The following MRTFB variants were observed in gnomAD, a reference collection of about 807,000 sequenced individuals.
The protein encoded by MRTFB is myocardin related transcription factor B.
A neutral mutation model predicts 104.2 loss-of-function variants in MRTFB; 29 were observed. The observed-to-expected ratio is 0.28, with a 90% CI of 0.21 to 0.38. MRTFB has a LOEUF of 0.38. MRTFB is among the 10% of genes least tolerant of loss of function. MRTFB has a pLI of 1.00. For synonymous variants in MRTFB, 535 were observed against 519.5 expected, an observed-to-expected ratio of 1.03 and a Z score of -0.41; for missense variants, 1,270 against 1,341.6, an observed-to-expected ratio of 0.95 and a Z score of 0.83.
chr16:14,020,321 T>C, the MRTFB span: 3 of 152,366 alleles, frequency 2.0e-5, no homozygotes, highest in East Asian at 5.8e-4. Context: ...TTATTGCATT[T>C]GTCAAACATT....
chr16:14,230,853 A>G (rs1244226539), intron 8 of MRTFB, among the ~76,000 whole-genome samples: 7 of 151,550 alleles, frequency 4.6e-5, no homozygotes, highest in East Asian at 1.9e-4. Context: ...TTGAGGCACT[A>G]TTCACAATAG....
At position 14,161,085 on chromosome 16, in the gene MRTFB, C is replaced by CTTTTTTTTTTTTT. The variant is rs57360069; in HGVS notation, c.154+20339_154+20351dup. Among the ~76,000 whole-genome samples, 13 of 53,130 alleles carry CTTTTTTTTTTTTT rather than the reference C, an allele frequency of 2.4e-4. 5 individuals are homozygous for CTTTTTTTTTTTTT. Among genetic ancestry groups the CTTTTTTTTTTTTT allele is most frequent in the East Asian group, 1.5e-3 (2 of 1,350 alleles). The allele number at this position is 53,130 out of a possible 152,430, so 34.9% of individuals were successfully genotyped here. On this transcript the variant is annotated intron_variant, in intron 3 of 16. Coordinates refer to ENST00000571589, the MANE Select transcript of MRTFB (RefSeq NM_001308142.2). ...TCTGTTTTAGTAGGTAATGCCAGGA[C>CTTTTTTTTTTTTT]TTTTTTTTTTTTTTTTTTTTTTTTT... is the stretch of plus-strand genomic sequence containing the variant.
At chr16:14,099,370 T>G (rs1365447193) in intron 2 of MRTFB, among the ~76,000 whole-genome samples, 3 of 147,944 alleles carry the variant, frequency 2.0e-5, no homozygotes, top group African/African-American at 7.9e-5. Flanking sequence ...ATTACGTGGG[T>G]TTTTTTGGTG....
chr16:14,213,910 C>T (rs1013392242), intron 6 of MRTFB, among the ~76,000 whole-genome samples: 2 of 152,188 alleles, frequency 1.3e-5, no homozygotes, highest in Non-Finnish European at 2.9e-5. Flanking sequence ...ATTTCTTTAT[C>T]AGTGAGGGAC....
chr16:14,069,721 A>T (rs1016100590), upstream of MRTFB, among the ~76,000 whole-genome samples: 1 of 152,072 alleles, frequency 6.6e-6, no homozygotes, highest in African/African-American at 2.4e-5. Flanking sequence ...GGCTCAAGTG[A>T]TCCTCCTGAC....
chr16:14,104,723 A>G (rs1027834600), intron 2 of MRTFB, among the ~76,000 whole-genome samples: 1 of 152,178 alleles, frequency 6.6e-6, no homozygotes, highest in African/African-American at 2.4e-5. Flanking sequence ...ACCTCAGTAA[A>G]TTTTATATGA....
intron 16 of MRTFB, among the ~76,000 whole-genome samples, chr16:14,260,280 A>G (rs944415599): frequency 6.6e-6 from 1 of 152,144 alleles, no homozygotes; most frequent in East Asian, 1.9e-4. Context: ...ATGAAATCAA[A>G]TGTCATTGTA....
intron 8 of MRTFB, among the ~76,000 whole-genome samples, chr16:14,227,326 C>T (rs1346203213): frequency 6.6e-6 from 1 of 152,052 alleles, no homozygotes; most frequent in Non-Finnish European, 1.5e-5. Context: ...CCCAGCCCCT[C>T]CCCGCTCTCT....
At chr16:14,244,085 A>G (rs1184178356) in intron 10 of MRTFB, among the ~76,000 whole-genome samples, 1 of 152,016 alleles carries the variant, frequency 6.6e-6, no homozygotes, top group Admixed American at 6.5e-5. Flanking sequence ...TCACCGTGTT[A>G]GCCAGGATGG....
At chr16:14,081,482 G>A (rs2034397716) in intron 2 of MRTFB, among the ~76,000 whole-genome samples, 1 of 151,986 alleles carries the variant, frequency 6.6e-6, no homozygotes, top group Admixed American at 6.6e-5. Flanking sequence ...TAGTAGAGAC[G>A]GGGTTTCACC....
intron 3 of MRTFB, among the ~76,000 whole-genome samples, chr16:14,173,801 C>T (rs2039496301): frequency 6.6e-6 from 1 of 152,076 alleles, no homozygotes; most frequent in East Asian, 1.9e-4. Context: ...TATTTTCATT[C>T]TTCCATTTTT....
intron 15 of MRTFB, 141 bp from the exon 16 acceptor site, chr16:14,257,960 T>C (rs2043576656): frequency 1.4e-6 from 1 of 698,126 alleles, no homozygotes; most frequent in Admixed American, 2.6e-5. Context: ...ATGGCTTAAC[T>C]TCTCAGGTGA....
intron 3 of MRTFB, among the ~76,000 whole-genome samples, chr16:14,184,326 G>T (rs563010724): frequency 2.6e-4 from 40 of 151,456 alleles, no homozygotes; most frequent in Admixed American, 8.6e-4. Context: ...GGGTTCAAGC[G>T]ATTGTCTTGC....
intron 2 of MRTFB, among the ~76,000 whole-genome samples, chr16:14,104,446 C>G (rs1262473097): frequency 6.6e-6 from 1 of 152,116 alleles, no homozygotes; most frequent in Non-Finnish European, 1.5e-5. Context: ...TAGACTGATG[C>G]CTGTACATTT....
At chr16:14,126,611 T>C (rs1360726664) in intron 2 of MRTFB, among the ~76,000 whole-genome samples, 1 of 152,204 alleles carries the variant, frequency 6.6e-6, no homozygotes, top group Non-Finnish European at 1.5e-5. Context: ...TTGCTGACAT[T>C]ATTGACATTT....
chr16:14,024,573 T>A, the MRTFB span, among the ~76,000 whole-genome samples: 31 of 152,286 alleles, frequency 2.0e-4, no homozygotes, highest in East Asian at 3.5e-3. Context: ...TGCCTTAGAA[T>A]TGCATTGGCA....
chr16:14,094,887 CATCT>C (rs922880272), intron 2 of MRTFB, among the ~76,000 whole-genome samples: 17 of 152,174 alleles, frequency 1.1e-4, no homozygotes, highest in African/African-American at 4.1e-4. Flanking sequence ...ATAAATTACC[CATCT>C]ATCTATCCTT....
At chr16:14,013,604 C>T in the MRTFB span, 4 of 152,350 alleles carry the variant, frequency 2.6e-5, no homozygotes, top group African/African-American at 7.2e-5. Context: ...CCAGCAACAG[C>T]GAACGTTTGT....
intron 2 of MRTFB, among the ~76,000 whole-genome samples, chr16:14,124,753 G>A (rs186325364): frequency 4.6e-5 from 7 of 152,220 alleles, no homozygotes; most frequent in Admixed American, 1.3e-4. Context: ...CAGGTTTTAC[G>A]GTATCAGGAT....
Sources: allele counts gnomAD v4.1 joint callset (sites outside exome capture counted in the v4.1 genomes callset), GRCh38; gene constraint gnomAD v4.1.1; transcripts MANE v1.5; gene names NCBI Gene and HGNC (gene_info 2026-07-23, HGNC 2026-07-21).